The following MAPK8 variants were observed in gnomAD, a reference collection of about 807,000 sequenced individuals.
The protein encoded by MAPK8 is JUN N-terminal kinase.
Under a neutral mutation model 52.9 loss-of-function variants are expected in MAPK8, and 13 were observed. That is an observed-to-expected ratio of 0.25 (90% confidence interval 0.16 to 0.39). The LOEUF (loss-of-function observed/expected upper bound fraction) is 0.39, where lower values mean the gene tolerates loss of function less well. Ranked by LOEUF, MAPK8 falls within the 10% of genes least tolerant of loss-of-function variation. The pLI is 1.00. For synonymous variants in MAPK8, 191 were observed against 169.8 expected (o/e 1.12, Z -0.97); for missense variants, 300 against 519.2 (o/e 0.58, Z 4.10).
At chr10:48,368,622 GA>G (rs370240826) in intron 1 of MAPK8, among the ~76,000 whole-genome samples, 1 of 152,188 alleles carries the variant, frequency 6.6e-6, no homozygotes, top group African/African-American at 2.4e-5. Flanking sequence ...CTTAGGAACA[GA>G]AATTAACTGT....
At chr10:48,330,595 C>T (rs959054295) in intron 1 of MAPK8, among the ~76,000 whole-genome samples, 1 of 152,166 alleles carries the variant, frequency 6.6e-6, no homozygotes, top group Non-Finnish European at 1.5e-5. Context: ...TGAAGAACAG[C>T]GGAAGTGAGA....
intron 1 of MAPK8, among the ~76,000 whole-genome samples, chr10:48,353,874 G>A (rs948732557): frequency 6.6e-6 from 1 of 152,190 alleles, no homozygotes; most frequent in African/African-American, 2.4e-5. Flanking sequence ...TAGGGATGGG[G>A]TTATGGGAAC....
rs151285118 is a variant in MAPK8, at chr10:48,431,253, G to C, written c.1121G>C (p.Gly374Ala). The change falls in exon 11 of 12, where the codon GGG becomes GCG. Residue 374 changes from glycine to alanine, a missense_variant. Physicochemically the swap from Gly to Ala is moderately conservative, Grantham distance 60. Around this residue, in one of 3 missense-constraint regions of MAPK8, gnomAD observed 119 missense variants for 154.4 expected, o/e 0.77. Transcript: ENST00000374189. ...AGAACCAAGAATGGAGTTATACGGG[G>C]GCAGCCCTCTCCTTTAGGTTGGTTA... ...EERTKNGVIR[G>A]QPSPLGAAVI... 5 of 1,611,294 alleles carry C rather than the reference G, an allele frequency of 3.1e-6. No individual in the cohort carries two copies. Among genetic ancestry groups the C allele is most frequent in the Non-Finnish European group, 4.2e-6 (5 of 1,177,576 alleles).
At chr10:48,409,997 C>G in intron 4 of MAPK8, 33 bp from the exon 5 acceptor site, 1 of 1,607,238 alleles carries the variant, frequency 6.2e-7, no homozygotes. Context: ...TGCTGCTGGA[C>G]ACTTTAGCTG....
chr10:48,435,077 T>C lies in MAPK8; in HGVS notation c.*48T>C. 1 of 1,382,806 alleles carries C rather than the reference T, an allele frequency of 7.2e-7. No homozygotes were observed. Among genetic ancestry groups the C allele is most frequent in the Non-Finnish European group, 9.7e-7 (1 of 1,028,452 alleles). 85.7% of individuals were successfully genotyped at this position (1,382,806 alleles called of 1,614,324 possible). A position where few individuals can be genotyped will look rare whatever the true frequency, so the allele number is the denominator to read the frequency against. On this transcript the variant is annotated 3_prime_UTR_variant, in exon 12 of 12. Coordinates refer to ENST00000374189, the MANE Select transcript of MAPK8 (RefSeq NM_001323329.2). Reference sequence around the variant, plus strand: ...GGAGGGATGGGGAGTCGGTTAGTCATTGATAGAACTACTTTGAAAACAATT... The same window carrying C: ...GGAGGGATGGGGAGTCGGTTAGTCACTGATAGAACTACTTTGAAAACAATT...
At chr10:48,363,674 C>G (rs919337597) in intron 1 of MAPK8, among the ~76,000 whole-genome samples, 1 of 152,140 alleles carries the variant, frequency 6.6e-6, no homozygotes, top group Non-Finnish European at 1.5e-5. Flanking sequence ...GTTTTTCTTA[C>G]AGAATTAAAC....
At chr10:48,359,864 A>G (rs1589062957) in intron 1 of MAPK8, among the ~76,000 whole-genome samples, 1 of 152,258 alleles carries the variant, frequency 6.6e-6, no homozygotes, top group East Asian at 1.9e-4. Context: ...AAGATTCTTA[A>G]TCAAGACACA....
At position 48,401,686 on chromosome 10, in the gene MAPK8, A is replaced by G. The variant is rs1047240487; in HGVS notation, c.26A>G (p.Asn9Ser). Residue 9 changes from asparagine (N) to serine (S), a missense_variant, in exon 2 of 12, where the codon AAT becomes AGT. This residue lies in a region of MAPK8 where 34 missense variants were observed against 36.7 expected (regional missense o/e 0.93). Transcript: ENST00000374189. Reference protein sequence around the residue: MSRSKRDNNFYSVEIGDST... With the variant: MSRSKRDNSFYSVEIGDST... ...ATGAGCAGAAGCAAGCGTGACAACA[A>G]TTTTTATAGTGTAGAGATTGGAGAT... The G allele has an allele frequency of 3.1e-6, 5 of 1,609,610 alleles. No homozygotes were observed. Among genetic ancestry groups the G allele is most frequent in the Non-Finnish European group, 3.4e-6 (4 of 1,178,400 alleles).
intron 6 of MAPK8, among the ~76,000 whole-genome samples, chr10:48,421,753 G>A (rs940147717): frequency 6.6e-6 from 1 of 152,048 alleles, no homozygotes. Context: ...ACAGTGAGCC[G>A]AGATTGCACC....
intron 1 of MAPK8, among the ~76,000 whole-genome samples, chr10:48,391,205 T>C (rs2132849584): frequency 6.6e-6 from 1 of 152,334 alleles, no homozygotes; most frequent in South Asian, 2.1e-4. Flanking sequence ...ATTTGAAAGT[T>C]AAAGCCGAAC....
At chr10:48,353,831 A>G (rs924895329) in intron 1 of MAPK8, among the ~76,000 whole-genome samples, 1 of 152,222 alleles carries the variant, frequency 6.6e-6, no homozygotes, top group African/African-American at 2.4e-5. Context: ...ATAGACATGG[A>G]GGACAAATAA....
At chr10:48,354,856 A>G (rs1031903655) in intron 1 of MAPK8, among the ~76,000 whole-genome samples, 2 of 152,196 alleles carry the variant, frequency 1.3e-5, no homozygotes, top group African/African-American at 2.4e-5. Flanking sequence ...GTATACATAG[A>G]CTGGCAGTGA....
At chr10:48,342,040 T>C (rs534386689) in intron 1 of MAPK8, among the ~76,000 whole-genome samples, 1 of 152,344 alleles carries the variant, frequency 6.6e-6, no homozygotes. Context: ...TGGTGGAAGA[T>C]GTGGCAGGAG....
chr10:48,324,920 T>G (rs1170624844), intron 1 of MAPK8, among the ~76,000 whole-genome samples: 2 of 152,162 alleles, frequency 1.3e-5, no homozygotes, highest in African/African-American at 2.4e-5. Context: ...TTGGTGAGCT[T>G]TGAATCAGTT....
intron 1 of MAPK8, among the ~76,000 whole-genome samples, chr10:48,332,937 GT>G (rs771057601): frequency 6.6e-6 from 1 of 152,136 alleles, no homozygotes; most frequent in East Asian, 1.9e-4. Context: ...TAATTCACAG[GT>G]TTGGGCTAAC....
At position 48,363,706 on chromosome 10, in the gene MAPK8, A is replaced by G. The variant is rs539185012; in HGVS notation, c.-49-37906A>G. Reference sequence around the variant, plus strand: ...AAACTTACATTTTTCTCCATCCACTAGATGGCTCAAGTGCACCACTTTGGC... The same window carrying G: ...AAACTTACATTTTTCTCCATCCACTGGATGGCTCAAGTGCACCACTTTGGC... On this transcript the variant is annotated intron_variant, in intron 1 of 11. Coordinates refer to ENST00000374189, the MANE Select transcript of MAPK8 (RefSeq NM_001323329.2). 3.9e-5 allele frequency among the ~76,000 whole-genome samples: 6 copies of G among 152,314 alleles called. No individual in the cohort carries two copies. The South Asian group carries it at 1.2e-3, about 32-fold the overall frequency.
chr10:48,344,446 C>T (rs1008335413), intron 1 of MAPK8, among the ~76,000 whole-genome samples: 2 of 152,178 alleles, frequency 1.3e-5, no homozygotes, highest in African/African-American at 2.4e-5. Flanking sequence ...ATAACCAAAG[C>T]ATTTCTTCTT....
chr10:48,384,897 CCAAGGTTGAGGACTGCAGCCTAGGA>C (rs963441482), intron 1 of MAPK8, among the ~76,000 whole-genome samples: 1 of 152,084 alleles, frequency 6.6e-6, no homozygotes, highest in Admixed American at 6.6e-5. Flanking sequence ...TGTATTTGGG[CCAAGGTTGAGGACTGCAGCCTAGGA>C]CACACTTCCA....
At chr10:48,312,392 A>G (rs1842063268) in intron 1 of MAPK8, among the ~76,000 whole-genome samples, 2 of 152,184 alleles carry the variant, frequency 1.3e-5, no homozygotes, top group South Asian at 2.1e-4. Context: ...CTGTACTAGA[A>G]ACACTTTTTA....
Sources: gnomAD v4.1 joint callset for allele counts (sites outside exome capture counted in the v4.1 genomes callset) on GRCh38, gnomAD v4.1.1 for gene constraint, gnomAD v4.1.1 regional missense constraint, MANE v1.5 for transcripts, NCBI Gene and HGNC (gene_info 2026-07-23, HGNC 2026-07-21) for gene names.